Variants in FRAS1 observed in about 807,000 individuals in gnomAD.
FRAS1 encodes Fraser extracellular matrix complex subunit 1.
In FRAS1, 290 loss-of-function variants were observed where a neutral mutation model predicts 435.2. That is an observed-to-expected ratio of 0.67 (90% CI 0.61 to 0.73). FRAS1 has a LOEUF of 0.73. Ranked by LOEUF, FRAS1 falls within the 30% of genes least tolerant of loss-of-function variation. The probability of loss-of-function intolerance (pLI) is 0.00; values close to 1 mark genes in which losing one functional copy is unlikely to be tolerated. For synonymous variants in FRAS1, 1,800 were observed against 1,851.0 expected (o/e 0.97, Z 0.71); for missense variants, 4,860 against 5,001.5 (o/e 0.97, Z 0.85).
chr4:78,259,454 C>T (rs1326122966), intron 6 of FRAS1, among the ~76,000 whole-genome samples: 2 of 150,032 alleles, frequency 1.3e-5, no homozygotes, highest in Non-Finnish European at 3.0e-5. Context: ...TCTCTGATGG[C>T]CAGTGATGGT....
Position 78,282,961 on chromosome 4 carries a change from A to G in FRAS1, c.1249A>G (p.Thr417Ala), listed in dbSNP as rs747914625. ...GAAGGGACAGTGCTGTCCAGACTGC[A>G]CATCAGGTGGGTCCATGTCTCCTCT... ...EVKGQCCPDC[T>A]SVHCHPDCLT... The change falls in exon 12 of 74, where the codon ACA (threonine) becomes GCA (alanine). Residue 417 changes from threonine to alanine, a missense_variant. Coordinates refer to ENST00000512123, the MANE Select transcript of FRAS1 (RefSeq NM_025074.7). The G allele has an allele frequency of 6.5e-7, 1 of 1,532,242 alleles. No homozygotes were observed. Among genetic ancestry groups the G allele is most frequent in the Admixed American group, 2.2e-5 (1 of 45,372 alleles). The allele number at this position is 1,532,242 out of a possible 1,614,324, so 94.9% of individuals were successfully genotyped here.
At chr4:78,494,347 G>T (rs1262738062) in intron 59 of FRAS1, among the ~76,000 whole-genome samples, 1 of 152,098 alleles carries the variant, frequency 6.6e-6, no homozygotes, top group African/African-American at 2.4e-5. Flanking sequence ...AAGAAAAGGG[G>T]TTTATTTGGC....
chr4:78,465,525 A>G (rs910754473), intron 49 of FRAS1, among the ~76,000 whole-genome samples: 4 of 152,194 alleles, frequency 2.6e-5, no homozygotes, highest in African/African-American at 9.7e-5. Context: ...GGGAGAATTC[A>G]CCCTTCAGAC....
At chr4:78,279,668 T>G (rs1727232382) in intron 10 of FRAS1, among the ~76,000 whole-genome samples, 1 of 152,202 alleles carries the variant, frequency 6.6e-6, no homozygotes, top group South Asian at 2.1e-4. Flanking sequence ...TTTTATTACC[T>G]AAAGGAAATA....
chr4:78,286,475 G>T lies in FRAS1; in HGVS notation c.1470G>T (p.Met490Ile). The change falls in exon 14 of 74, where the codon ATG becomes ATT. Residue 490 changes from methionine (M) to isoleucine (I), a missense_variant. Met to Ile is a conservative substitution (Grantham distance 10). Coordinates refer to ENST00000512123, the MANE Select transcript of FRAS1 (RefSeq NM_025074.7). ...ECSSCQPPLLMRHGQCVPTCG... is the reference protein window; with the variant it reads ...ECSSCQPPLLIRHGQCVPTCG... ...CATCCTGCCAGCCTCCCCTGCTGAT[G>T]CGGCACGGGCAGTGTGTGCCTACCT... 1 of 1,613,692 alleles carries T rather than the reference G, an allele frequency of 6.2e-7. No homozygotes were observed.
At chr4:78,198,048 C>T (rs1722891704) in intron 2 of FRAS1, among the ~76,000 whole-genome samples, 1 of 152,178 alleles carries the variant, frequency 6.6e-6, no homozygotes, top group Non-Finnish European at 1.5e-5. Context: ...CTGATTTCAG[C>T]TCTTTATTTT....
chr4:78,383,728 A>T (rs1640591876), intron 27 of FRAS1, among the ~76,000 whole-genome samples: 1 of 152,222 alleles, frequency 6.6e-6, no homozygotes, highest in African/African-American at 2.4e-5. Context: ...CTTCAATTTA[A>T]CCATTAGCCT....
At chr4:78,241,976 CAT>C (rs1338306928) in intron 3 of FRAS1, among the ~76,000 whole-genome samples, 2 of 152,044 alleles carry the variant, frequency 1.3e-5, no homozygotes, top group Non-Finnish European at 2.9e-5. Context: ...ATGAAGGCAA[CAT>C]AGGAATCAGA....
chr4:78,067,008 C>G (rs1740071356), intron 2 of FRAS1, among the ~76,000 whole-genome samples: 1 of 151,888 alleles, frequency 6.6e-6, no homozygotes, highest in South Asian at 2.1e-4. Flanking sequence ...CATTCCATAT[C>G]CTGCCCTGTT....
intron 2 of FRAS1, among the ~76,000 whole-genome samples, chr4:78,193,122 A>C (rs1254876292): frequency 2.0e-5 from 3 of 152,176 alleles, no homozygotes; most frequent in East Asian, 1.9e-4. Context: ...GTTTGATTGC[A>C]CTGTGGTCTG....
In FRAS1 at chr4:78,372,920, G is replaced by A; in HGVS notation, c.3010+62G>A. 2.7e-6 allele frequency: 4 copies of A among 1,493,868 alleles called. No homozygotes were observed. In the South Asian group the frequency reaches 4.2e-5, roughly 16 times the overall value. 92.5% of individuals were successfully genotyped at this position (1,493,868 alleles called of 1,614,324 possible). ...ACCTTGGCCACCTCTGATTTGTACT[G>A]TTCTCAGAAGGAAACAGTGGCAAGT... On this transcript the variant is annotated intron_variant, in intron 24 of 73. Transcript: ENST00000512123.
chr4:78,182,416 A>G (rs1317705960), intron 2 of FRAS1, among the ~76,000 whole-genome samples: 1 of 152,170 alleles, frequency 6.6e-6, no homozygotes. Context: ...GTAAGAGGTA[A>G]CCAGGCAAAG....
At chr4:78,178,764 T>A (rs1475922855) in intron 2 of FRAS1, among the ~76,000 whole-genome samples, 1 of 152,158 alleles carries the variant, frequency 6.6e-6, no homozygotes, top group African/African-American at 2.4e-5. Context: ...AAAGACCCTA[T>A]TTCCAAATGA....
Position 78,513,311 on chromosome 4 carries a change from T to G in FRAS1, c.10014-81T>G, listed in dbSNP as rs117527865. 2.8e-6 allele frequency: 4 copies of G among 1,406,054 alleles called. No homozygotes were observed. In the East Asian group the frequency reaches 9.1e-5, roughly 32 times the overall value. The allele number at this position is 1,406,054 out of a possible 1,614,324, so 87.1% of individuals were successfully genotyped here. On this transcript the variant is annotated intron_variant, in intron 64 of 73. Transcript: ENST00000512123. The stretch of plus-strand genomic sequence containing the variant: ...ATGGTAGCTCATTGGTGAAGACAAA[T>G]TAGGTGATGAGAAAGAAGTATGTCC...
chr4:78,248,998 A>G (rs951265606), intron 4 of FRAS1, among the ~76,000 whole-genome samples: 1 of 137,388 alleles, frequency 7.3e-6, no homozygotes, highest in Non-Finnish European at 1.6e-5. Flanking sequence ...CTTTGCTACT[A>G]CAGTGTTTAT....
chr4:78,254,648 G>A (rs771221414), intron 5 of FRAS1, among the ~76,000 whole-genome samples: 5 of 152,142 alleles, frequency 3.3e-5, no homozygotes, highest in Admixed American at 6.5e-5. Context: ...GACTTTGGAC[G>A]TATATTTCCT....
intron 60 of FRAS1, among the ~76,000 whole-genome samples, chr4:78,498,192 C>A (rs968268662): frequency 7.2e-5 from 11 of 152,162 alleles, no homozygotes; most frequent in African/African-American, 2.7e-4. Context: ...ACGTTCTGCA[C>A]ATGTATCCCA....
chr4:78,203,787 C>T (rs1208358886), intron 2 of FRAS1, among the ~76,000 whole-genome samples: 2 of 152,122 alleles, frequency 1.3e-5, no homozygotes, highest in African/African-American at 2.4e-5. Flanking sequence ...AGGCTGGTCT[C>T]GAACTCCTGA....
chr4:78,301,974 A>C (rs1250791159), intron 14 of FRAS1, among the ~76,000 whole-genome samples: 1 of 149,696 alleles, frequency 6.7e-6, no homozygotes, highest in East Asian at 2.0e-4. Flanking sequence ...ATTTAGCATT[A>C]GGTATATCTC....
Sources: allele counts gnomAD v4.1 joint callset (sites outside exome capture counted in the v4.1 genomes callset), GRCh38; gene constraint gnomAD v4.1.1; transcripts MANE v1.5; gene names NCBI Gene and HGNC (gene_info 2026-07-23, HGNC 2026-07-21).